Variants in RARB observed in about 807,000 individuals in gnomAD.
The protein encoded by RARB is retinoic acid receptor beta.
RARB carries 17 observed loss-of-function variants against 51.9 expected under a neutral mutation model. The ratio of observed to expected loss-of-function variants is 0.33; its 90% confidence interval spans 0.22 to 0.49. The LOEUF (loss-of-function observed/expected upper bound fraction) is 0.49, where lower values mean the gene tolerates loss of function less well. Among genes scored for constraint, RARB ranks in the 20% least tolerant of loss-of-function variants. RARB has a pLI of 0.99. For synonymous variants in RARB, 215 were observed against 195.4 expected (o/e 1.10, Z -0.84); for missense variants, 369 against 550.8 (o/e 0.67, Z 3.30).
intron 2 of RARB, among the ~76,000 whole-genome samples, chr3:24,977,617 C>T (rs1169735170): frequency 6.6e-6 from 1 of 151,782 alleles, no homozygotes; most frequent in Non-Finnish European, 1.5e-5. Context: ...ATTTTTGTAT[C>T]CTGAGATTTT....
intron 2 of RARB, among the ~76,000 whole-genome samples, chr3:24,902,014 A>G (rs890401151): frequency 6.6e-6 from 1 of 151,342 alleles, no homozygotes; most frequent in Non-Finnish European, 1.5e-5. Flanking sequence ...TATATATAAC[A>G]TACATATATA....
chr3:25,376,990 T>G (rs748402815), intron 5 of RARB, among the ~76,000 whole-genome samples: 3 of 152,132 alleles, frequency 2.0e-5, no homozygotes, highest in South Asian at 2.1e-4. Context: ...AAATGCTTTG[T>G]TTTTCTTCTT....
At chr3:25,040,964 T>TG in intron 2 of RARB, among the ~76,000 whole-genome samples, 1 of 152,318 alleles carries the variant, frequency 6.6e-6, no homozygotes, top group South Asian at 2.1e-4. Context: ...AGTTTTTGGT[T>TG]GCATCATTCA....
At chr3:25,069,076 A>G (rs777064894) in intron 3 of RARB, among the ~76,000 whole-genome samples, 32 of 151,952 alleles carry the variant, frequency 2.1e-4, no homozygotes, top group Admixed American at 3.9e-4. Context: ...CATGGTTTTT[A>G]AAAGCTAAGA....
chr3:25,283,633 T>C (rs1703578155), intron 5 of RARB, among the ~76,000 whole-genome samples: 1 of 152,222 alleles, frequency 6.6e-6, no homozygotes, highest in African/African-American at 2.4e-5. Flanking sequence ...TTTCTCTCCC[T>C]GACACACCTT....
At chr3:25,389,356 G>A (rs889913031) in intron 5 of RARB, among the ~76,000 whole-genome samples, 3 of 152,102 alleles carry the variant, frequency 2.0e-5, no homozygotes, top group Non-Finnish European at 4.4e-5. Flanking sequence ...TTTGTCACAT[G>A]TTTCTTCCCT....
At chr3:25,117,573 T>C (rs931064416) in intron 3 of RARB, among the ~76,000 whole-genome samples, 1 of 152,068 alleles carries the variant, frequency 6.6e-6, no homozygotes, top group Non-Finnish European at 1.5e-5. Context: ...ATAGGATGGA[T>C]AGGGGATGGA....
At chr3:24,847,648 C>T (rs1702501802) in intron 1 of RARB, among the ~76,000 whole-genome samples, 1 of 152,216 alleles carries the variant, frequency 6.6e-6, no homozygotes, top group African/African-American at 2.4e-5. Flanking sequence ...AGAGGTTTCT[C>T]ACACTGCATG....
At chr3:25,027,634 C>T (rs1433472889) in intron 2 of RARB, among the ~76,000 whole-genome samples, 1 of 151,918 alleles carries the variant, frequency 6.6e-6, no homozygotes, top group Non-Finnish European at 1.5e-5. Flanking sequence ...AACCACAATT[C>T]TGTTGACACT....
chr3:25,253,618 A>T (rs1430262554), intron 5 of RARB, among the ~76,000 whole-genome samples: 1 of 152,170 alleles, frequency 6.6e-6, no homozygotes, highest in Non-Finnish European at 1.5e-5. Context: ...AAATGGACAG[A>T]TGAATAAACA....
chr3:25,287,440 T>G (rs188513923), intron 5 of RARB, among the ~76,000 whole-genome samples: 4 of 152,250 alleles, frequency 2.6e-5, no homozygotes, highest in Admixed American at 2.6e-4. Context: ...TAACCTCTCA[T>G]TCTAAGGGAT....
At position 25,201,000 on chromosome 3, in the gene RARB, A is replaced by G. The variant is rs904664358; in HGVS notation, c.178+26425A>G. On this transcript the variant is annotated intron_variant, in intron 5 of 11. Transcript: ENST00000383772. The stretch of plus-strand genomic sequence containing the variant: ...GAAGAAAGTCATTGGTAGATTGATG[A>G]GGATGGCATTGAATCTATAAATTAC... Among the ~76,000 whole-genome samples, 210 of 152,252 alleles carry G rather than the reference A, an allele frequency of 1.4e-3. 1 individual carries two copies. Among genetic ancestry groups the G allele is most frequent in the African/African-American group, 4.8e-3 (201 of 41,562 alleles).
chr3:25,340,965 G>C (rs1705209681), intron 5 of RARB, among the ~76,000 whole-genome samples: 1 of 152,142 alleles, frequency 6.6e-6, no homozygotes, highest in Non-Finnish European at 1.5e-5. Context: ...CAAATCTTCT[G>C]CAGATATTTT....
intron 3 of RARB, among the ~76,000 whole-genome samples, chr3:25,511,218 C>T (rs371349515): frequency 1.3e-5 from 2 of 152,066 alleles, no homozygotes; most frequent in African/African-American, 2.4e-5. Context: ...CTGCAAGCTC[C>T]GCCTCCTGGG....
In RARB at chr3:25,078,307, G is replaced by T. The variant is rs568097312; in HGVS notation, c.-328+18131G>T. On this transcript the variant is annotated intron_variant, in intron 3 of 11. Coordinates refer to the RARB transcript ENST00000383772. Reference sequence around the variant, plus strand: ...CACTCTAACTTTTGTGTGGTATAAAGCTGGGATGTAAGTTCGTTATTAATA... The same window carrying T: ...CACTCTAACTTTTGTGTGGTATAAATCTGGGATGTAAGTTCGTTATTAATA... 9.2e-5 allele frequency among the ~76,000 whole-genome samples: 14 copies of T among 152,148 alleles called. 1 individual carries two copies. In the South Asian group the frequency reaches 2.9e-3, roughly 32 times the overall value.
intron 3 of RARB, among the ~76,000 whole-genome samples, chr3:25,102,603 T>C (rs962897284): frequency 1.3e-5 from 2 of 152,026 alleles, no homozygotes; most frequent in Non-Finnish European, 2.9e-5. Flanking sequence ...TATATTTGAA[T>C]ATATATATTT....
chr3:24,861,304 A>T (rs1702743643), intron 2 of RARB, among the ~76,000 whole-genome samples: 1 of 152,156 alleles, frequency 6.6e-6, no homozygotes. Context: ...TCATTTTATA[A>T]AGAGACTTAG....
At chr3:24,873,158 A>G (rs1394710713) in intron 2 of RARB, among the ~76,000 whole-genome samples, 1 of 152,136 alleles carries the variant, frequency 6.6e-6, no homozygotes, top group African/African-American at 2.4e-5. Context: ...GCTAATTGAA[A>G]CCTGTTCTAC....
At chr3:25,345,648 G>A (rs1262434106) in intron 5 of RARB, among the ~76,000 whole-genome samples, 2 of 138,102 alleles carry the variant, frequency 1.4e-5, no homozygotes, top group African/African-American at 5.7e-5. Context: ...CTGGGTGACA[G>A]AGTGAGACTC....
Sources: gnomAD v4.1 joint callset for allele counts (sites outside exome capture counted in the v4.1 genomes callset) on GRCh38, gnomAD v4.1.1 for gene constraint, MANE v1.5 for transcripts, NCBI Gene and HGNC (gene_info 2026-07-23, HGNC 2026-07-21) for gene names.